The following ADD3 variants were observed in gnomAD, a reference collection of about 807,000 sequenced individuals.
ADD3 encodes the protein adducin 3, also known as gamma-adducin.
A neutral mutation model predicts 80.2 loss-of-function variants in ADD3; 25 were observed. The ratio of observed to expected loss-of-function variants is 0.31; its 90% CI spans 0.23 to 0.44. ADD3 has a LOEUF of 0.44. Ranked by LOEUF, ADD3 falls within the 20% of genes least tolerant of loss-of-function variation. ADD3 has a pLI of 1.00. For missense variants in ADD3, 829 were observed against 847.5 expected (o/e 0.98, Z 0.27); for synonymous variants, 284 against 289.6 (o/e 0.98, Z 0.20).
Position 110,109,543 on chromosome 10 carries a change from T to C in ADD3, c.196-3234T>C, listed in dbSNP as rs541759795. Among the ~76,000 whole-genome samples, 121 of 152,330 alleles carry C rather than the reference T, an allele frequency of 7.9e-4. 1 individual carries two copies. The highest frequency in any genetic ancestry group is 2.8e-3 in the African/African-American group (118 of 41,586). ...AGATAATGCCTACTTCTCCAAGTTATTGTAATATATGTAATGAGTGATACA... is the reference window on the plus strand; with the variant it reads ...AGATAATGCCTACTTCTCCAAGTTACTGTAATATATGTAATGAGTGATACA... On this transcript the variant is annotated intron_variant, in intron 2 of 14. Transcript: ENST00000356080.
At chr10:110,018,378 A>T (rs1853246148) in intron 1 of ADD3, among the ~76,000 whole-genome samples, 1 of 151,998 alleles carries the variant, frequency 6.6e-6, no homozygotes, top group African/African-American at 2.4e-5. Flanking sequence ...AAATATAAAA[A>T]TTAGCCAGGT....
upstream of ADD3, chr10:110,005,988 ATGCTGC>A: frequency 2.4e-5 from 6 of 249,474 alleles, no homozygotes; most frequent in East Asian, 1.5e-4. Flanking sequence ...GCTGCTGCTA[ATGCTGC>A]TGCTGCTGCT....
Position 110,135,478 on chromosome 10 carries a change from T to G in ADD3, c.*1860T>G, listed in dbSNP as rs1590288178. The G allele has an allele frequency of 6.6e-6, 1 of 152,634 alleles. No homozygotes were observed. The highest frequency in any genetic ancestry group is 1.9e-4 in the East Asian group (1 of 5,192). 9.5% of individuals were successfully genotyped at this position (152,634 alleles called of 1,614,324 possible). On this transcript the variant is annotated 3_prime_UTR_variant, in exon 15 of 15. Coordinates refer to ENST00000356080, the MANE Select transcript of ADD3 (RefSeq NM_016824.5). Reference sequence around the variant, plus strand: ...TGAGCCAATGAACCTCTGTGTCCTGTGGAAAAATGTATAAATGTTATCTGA... The same window carrying G: ...TGAGCCAATGAACCTCTGTGTCCTGGGGAAAAATGTATAAATGTTATCTGA...
chr10:109,996,580 G>A (rs1589674426), intron 1 of ADD3: 2 of 152,170 alleles, frequency 1.3e-5, no homozygotes, highest in Middle Eastern at 6.8e-3. Context: ...TTTCCCCTGG[G>A]GCCAGAGAAG....
chr10:110,026,521 C>A (rs915191504), intron 1 of ADD3, among the ~76,000 whole-genome samples: 4 of 152,042 alleles, frequency 2.6e-5, no homozygotes, highest in African/African-American at 9.7e-5. Context: ...CTCAGGTGAT[C>A]CGCCCACCTC....
chr10:110,000,947 C>T (rs2133676559), upstream of ADD3, among the ~76,000 whole-genome samples: 1 of 152,250 alleles, frequency 6.6e-6, no homozygotes, highest in African/African-American at 2.4e-5. Flanking sequence ...ATTACTCTAC[C>T]AAACATACTA....
intron 1 of ADD3, among the ~76,000 whole-genome samples, chr10:110,080,021 C>G (rs1845890886): frequency 6.6e-6 from 1 of 152,166 alleles, no homozygotes; most frequent in African/African-American, 2.4e-5. Context: ...GAACCCAGAA[C>G]TGGGGTACTA....
At chr10:110,028,030 A>C (rs1054013934) in intron 1 of ADD3, among the ~76,000 whole-genome samples, 1 of 152,142 alleles carries the variant, frequency 6.6e-6, no homozygotes, top group African/African-American at 2.4e-5. Flanking sequence ...CAAGTTAGCT[A>C]CCTTCTCTGA....
intron 1 of ADD3, among the ~76,000 whole-genome samples, chr10:110,031,922 A>G (rs1441956210): frequency 6.7e-6 from 1 of 149,360 alleles, no homozygotes; most frequent in Non-Finnish European, 1.5e-5. Flanking sequence ...TTTTTTTGTG[A>G]TAACATTTAA....
intron 13 of ADD3, 46 bp downstream of exon 13, chr10:110,130,532 C>T (rs1207705473): frequency 6.3e-7 from 1 of 1,593,402 alleles, no homozygotes; most frequent in South Asian, 1.1e-5. Context: ...ACACTGATAA[C>T]AATAAAGTAC....
intron 1 of ADD3, among the ~76,000 whole-genome samples, chr10:110,050,502 A>G (rs1159211647): frequency 8.0e-6 from 1 of 124,998 alleles, no homozygotes; most frequent in Non-Finnish European, 1.7e-5. Flanking sequence ...AGTCCATTAA[A>G]CCTCTTTTTT....
intron 1 of ADD3, among the ~76,000 whole-genome samples, chr10:110,018,526 CAAAAAA>C (rs59949041): frequency 1.6e-4 from 8 of 49,542 alleles, no homozygotes; most frequent in South Asian, 1.3e-3. Flanking sequence ...GACTTTGTCT[CAAAAAA>C]AAAAAAAAAA....
At chr10:110,049,939 A>T (rs993350768) in intron 1 of ADD3, among the ~76,000 whole-genome samples, 1 of 151,562 alleles carries the variant, frequency 6.6e-6, no homozygotes, top group Non-Finnish European at 1.5e-5. Context: ...TGGGACTTAC[A>T]TGGGGTCTGT....
intron 10 of ADD3, 102 bp downstream of exon 10, chr10:110,124,376 T>C (rs1851880787): frequency 5.3e-6 from 7 of 1,318,704 alleles, no homozygotes; most frequent in Non-Finnish European, 7.3e-6. Flanking sequence ...TAAAATAATA[T>C]TAAAAATATT....
intron 4 of ADD3, among the ~76,000 whole-genome samples, chr10:110,116,731 C>T (rs1016861944): frequency 5.3e-5 from 8 of 152,200 alleles, no homozygotes; most frequent in African/African-American, 1.9e-4. Context: ...CTTTAAAAAG[C>T]ATTTGAGGCA....
rs1276789213 is a variant in ADD3 at position 110,082,933 on chromosome 10, A to G, written c.-29-17692A>G. On this transcript the variant is annotated intron_variant, in intron 1 of 14. Coordinates refer to ENST00000356080, the MANE Select transcript of ADD3 (RefSeq NM_016824.5). ...AGTCTTATCAAACCACGAATAGCCCAGTTTTCAGAGTTTGCTCTAGAATCC... is the reference window on the plus strand; with the variant it reads ...AGTCTTATCAAACCACGAATAGCCCGGTTTTCAGAGTTTGCTCTAGAATCC... 3.9e-5 allele frequency among the ~76,000 whole-genome samples: 6 copies of G among 152,294 alleles called. No individual in the cohort carries two copies. The East Asian group carries it at 1.2e-3, about 29-fold the overall frequency.
chr10:110,037,214 T>C (rs1057177436), intron 1 of ADD3, among the ~76,000 whole-genome samples: 12 of 152,230 alleles, frequency 7.9e-5, no homozygotes, highest in Non-Finnish European at 4.4e-5. Context: ...TCAGTCGACC[T>C]CTGTTTCAGT....
At chr10:110,131,808 C>T (rs1363741300) in intron 13 of ADD3, among the ~76,000 whole-genome samples, 3 of 152,090 alleles carry the variant, frequency 2.0e-5, no homozygotes, top group East Asian at 1.9e-4. Flanking sequence ...ACTCTAGAAC[C>T]GTCACCTTTT....
At chr10:110,089,546 A>AAT (rs1847212528) in intron 1 of ADD3, among the ~76,000 whole-genome samples, 1 of 152,114 alleles carries the variant, frequency 6.6e-6, no homozygotes, top group African/African-American at 2.4e-5. Context: ...TGACTAAGGG[A>AAT]ATATATATAG....
Sources: gnomAD v4.1 joint callset for allele counts (sites outside exome capture counted in the v4.1 genomes callset) on GRCh38, gnomAD v4.1.1 for gene constraint, MANE v1.5 for transcripts, NCBI Gene and HGNC (gene_info 2026-07-23, HGNC 2026-07-21) for gene names.